CDIN1: variants seen among roughly 807,000 people sequenced by gnomAD.
The protein encoded by CDIN1 is CDAN1 interacting nuclease 1, also known as CDAN1-interacting nuclease 1.
Under a neutral mutation model 45.3 loss-of-function variants are expected in CDIN1, and 33 were observed. The observed-to-expected ratio is 0.73, with a 90% CI of 0.55 to 0.97. CDIN1 has a LOEUF of 0.97. Ranked by LOEUF, CDIN1 falls within the 50% of genes least tolerant of loss-of-function variation. The pLI, the probability that CDIN1 is intolerant of heterozygous loss-of-function variation, is 0.00. For missense variants in CDIN1, 303 were observed against 339.4 expected (o/e 0.89, Z 0.84); for synonymous variants, 118 against 124.4 (o/e 0.95, Z 0.34).
intron 1 of CDIN1, among the ~76,000 whole-genome samples, chr15:36,630,264 A>T (rs921638445): frequency 6.6e-6 from 1 of 152,230 alleles, no homozygotes; most frequent in African/African-American, 2.4e-5. Flanking sequence ...GTCCAGTGTC[A>T]ATATGATTAT....
At chr15:36,618,911 G>A (rs2039023884) in intron 1 of CDIN1, 1 of 1,326,548 alleles carries the variant, frequency 7.5e-7, no homozygotes, top group South Asian at 1.2e-5. Flanking sequence ...CATAAATGTA[G>A]CTACACCGTG....
Position 36,733,632 on chromosome 15 carries a change from T to C in CDIN1, c.716+23671T>C, listed in dbSNP as rs142734375. ...GTTCTGTTGTTATTTTTTAAATCTG[T>C]GATTAGAAAAAATCATGTGTTTATA... On this transcript the variant is annotated intron_variant, in intron 10 of 10. Coordinates refer to ENST00000566621, the MANE Select transcript of CDIN1 (RefSeq NM_001321759.2). Among the ~76,000 whole-genome samples, 837 of 152,272 alleles carry C rather than the reference T, an allele frequency of 5.5e-3. 1 individual carries two copies. Among genetic ancestry groups the C allele is most frequent in the Non-Finnish European group, 9.3e-3 (635 of 67,988 alleles).
At chr15:36,626,112 G>A (rs1163853232) in intron 1 of CDIN1, among the ~76,000 whole-genome samples, 4 of 151,094 alleles carry the variant, frequency 2.6e-5, no homozygotes, top group Non-Finnish European at 5.9e-5. Context: ...TGTTAAAATT[G>A]CATGTATTAA....
intron 7 of CDIN1, among the ~76,000 whole-genome samples, chr15:36,694,029 C>T (rs1281486546): frequency 6.6e-6 from 1 of 152,138 alleles, no homozygotes; most frequent in Non-Finnish European, 1.5e-5. Flanking sequence ...TTCATTATGT[C>T]TGTTGCCAGT....
chr15:36,697,394 A>G lies in CDIN1; in HGVS notation c.544+4A>G. On this transcript the variant is annotated splice_donor_region_variant and intron_variant, in intron 8 of 10. Coordinates refer to ENST00000566621, the MANE Select transcript of CDIN1 (RefSeq NM_001321759.2). ...GAGAAAAACCTGTCCTTCCTAGGTA[A>G]GTATTATTCACATCTTCTCTAGCTT... is the stretch of plus-strand genomic sequence containing the variant. 3 of 1,606,046 alleles carry G rather than the reference A, an allele frequency of 1.9e-6. No individual in the cohort carries two copies. The highest frequency in any genetic ancestry group is 2.6e-6 in the Non-Finnish European group (3 of 1,175,912).
chr15:36,631,502 C>T (rs1018701462), intron 1 of CDIN1, among the ~76,000 whole-genome samples: 1 of 152,198 alleles, frequency 6.6e-6, no homozygotes, highest in Non-Finnish European at 1.5e-5. Context: ...CAAATAGAAT[C>T]GTACAAGATG....
chr15:36,661,909 T>C (rs1386068135), intron 5 of CDIN1, among the ~76,000 whole-genome samples: 1 of 152,204 alleles, frequency 6.6e-6, no homozygotes, highest in Non-Finnish European at 1.5e-5. Flanking sequence ...TAAAATTGTC[T>C]AAATGTTCAG....
chr15:36,797,057 T>C (rs767688711), intron 10 of CDIN1, among the ~76,000 whole-genome samples: 42 of 152,204 alleles, frequency 2.8e-4, no homozygotes, highest in Non-Finnish European at 5.3e-4. Flanking sequence ...AAAGATCATT[T>C]TGTAGAGTTT....
At chr15:36,676,128 T>C (rs1341808403) in intron 5 of CDIN1, among the ~76,000 whole-genome samples, 2 of 152,130 alleles carry the variant, frequency 1.3e-5, no homozygotes, top group Admixed American at 6.6e-5. Flanking sequence ...ATGGGTTTAG[T>C]TCCCAGGAAA....
intron 10 of CDIN1, among the ~76,000 whole-genome samples, chr15:36,753,213 G>A (rs1326650367): frequency 6.6e-6 from 1 of 152,098 alleles, no homozygotes; most frequent in Non-Finnish European, 1.5e-5. Context: ...TCTCCTAAAG[G>A]TTTATTCCAA....
At chr15:36,695,447 A>G (rs1472655225) in intron 7 of CDIN1, among the ~76,000 whole-genome samples, 1 of 152,176 alleles carries the variant, frequency 6.6e-6, no homozygotes, top group Non-Finnish European at 1.5e-5. Flanking sequence ...TGTTTGGAAA[A>G]TACACAGCAC....
At chr15:36,621,346 T>C (rs977095682) in intron 1 of CDIN1, among the ~76,000 whole-genome samples, 1 of 152,230 alleles carries the variant, frequency 6.6e-6, no homozygotes, top group Non-Finnish European at 1.5e-5. Context: ...AGCGATTAAC[T>C]GTTAAGAGCT....
intron 5 of CDIN1, among the ~76,000 whole-genome samples, chr15:36,675,964 C>T (rs1483402893): frequency 6.6e-6 from 1 of 151,710 alleles, no homozygotes; most frequent in Non-Finnish European, 1.5e-5. Context: ...TTTTTGGTAC[C>T]TAATAAAGTG....
chr15:36,615,696 C>T (rs1231016970), intron 1 of CDIN1, among the ~76,000 whole-genome samples: 4 of 152,274 alleles, frequency 2.6e-5, no homozygotes, highest in South Asian at 2.1e-4. Context: ...AACAGCAGTG[C>T]GAGTCCCGCA....
At chr15:36,641,559 A>G (rs1021580187) in intron 1 of CDIN1, 5 of 152,250 alleles carry the variant, frequency 3.3e-5, no homozygotes, top group Admixed American at 2.6e-4. Flanking sequence ...GGGTTTTAAT[A>G]CTACATCCTG....
intron 10 of CDIN1, among the ~76,000 whole-genome samples, chr15:36,721,934 C>A (rs1017651737): frequency 1.3e-5 from 2 of 152,108 alleles, no homozygotes; most frequent in African/African-American, 4.8e-5. Context: ...GCCATTTGGA[C>A]ATCACAGCTG....
chr15:36,623,158 C>T (rs914039289), intron 1 of CDIN1, among the ~76,000 whole-genome samples: 8 of 151,894 alleles, frequency 5.3e-5, no homozygotes, highest in African/African-American at 1.7e-4. Context: ...CATAGTGAAA[C>T]TCAGTCACAT....
rs2054244515 is a variant in CDIN1 at position 36,777,325 on chromosome 15, T to C, written c.717-30999T>C. 1.3e-5 allele frequency among the ~76,000 whole-genome samples: 2 copies of C among 151,628 alleles called. 1 individual carries two copies. The highest frequency in any genetic ancestry group is 1.3e-4 in the Admixed American group (2 of 15,220). ...AGTAAATCTCTGCACCCACACACCC[T>C]ACCAAACTCACTTGCTCATTTCAGG... On this transcript the variant is annotated intron_variant, in intron 10 of 10. Transcript: ENST00000566621.
intron 10 of CDIN1, among the ~76,000 whole-genome samples, chr15:36,793,528 T>G (rs1472557186): frequency 6.6e-6 from 1 of 152,142 alleles, no homozygotes; most frequent in East Asian, 1.9e-4. Context: ...CTGTACACTT[T>G]GTGGAAGTAT....
Sources: gnomAD v4.1 joint callset for allele counts (sites outside exome capture counted in the v4.1 genomes callset) on GRCh38, gnomAD v4.1.1 for gene constraint, MANE v1.5 for transcripts, NCBI Gene and HGNC (gene_info 2026-07-23, HGNC 2026-07-21) for gene names.